Variants in PACRGL observed in about 807,000 individuals in gnomAD.
PACRGL encodes the protein parkin coregulated like.
PACRGL carries 38 observed loss-of-function variants against 34.5 expected under a neutral mutation model. The observed-to-expected ratio is 1.10, with a 90% CI of 0.85 to 1.44. The LOEUF (loss-of-function observed/expected upper bound fraction) is 1.44, where lower values mean the gene tolerates loss of function less well. Ranked by LOEUF, PACRGL falls within the 40% of genes most tolerant of loss-of-function variation. The pLI is 0.00. For missense variants in PACRGL, 305 were observed against 281.4 expected (o/e 1.08, Z -0.60); for synonymous variants, 128 against 100.1 (o/e 1.28, Z -1.66).
At position 20,731,559 on chromosome 4, in the gene PACRGL, C is replaced by T. The variant is rs1258124804; in HGVS notation, c.*4218C>T. ...CAAAGAGCCATTTCTTGTCCACATA[C>T]ACTAAAACAATGACTTTTCTCTTAG... On this transcript the variant is annotated 3_prime_UTR_variant, in exon 9 of 9. Transcript: ENST00000503585. The T allele has an allele frequency of 8.1e-6, 8 of 985,262 alleles. No homozygotes were observed. Among genetic ancestry groups the T allele is most frequent in the Non-Finnish European group, 9.6e-6 (8 of 829,920 alleles). 61.0% of individuals were successfully genotyped at this position (985,262 alleles called of 1,614,324 possible). A position where few individuals can be genotyped will look rare whatever the true frequency, so the allele number is the denominator to read the frequency against.
In PACRGL at chr4:20,729,068, GC is replaced by G. The variant is rs1458805269; in HGVS notation, c.*1728del. The G allele has an allele frequency of 1.5e-5, 2 of 136,616 alleles. No individual in the cohort carries two copies. The highest frequency in any genetic ancestry group is 7.2e-5 in the Admixed American group (1 of 13,958). The allele number at this position is 136,616 out of a possible 1,614,324, so 8.5% of individuals were successfully genotyped here. On this transcript the variant is annotated 3_prime_UTR_variant, in exon 9 of 9. Transcript: ENST00000503585. ...AAAGTGAATTTTGCTTGCTAATTTT[GC>G]TTGCTGTTTGTTCTTAGTAGACAGT... is the stretch of plus-strand genomic sequence containing the variant.
In PACRGL at chr4:20,727,387, A is replaced by AC; in HGVS notation, c.*46_*47insC. The AC allele has an allele frequency of 6.9e-7, 1 of 1,446,040 alleles. No individual in the cohort carries two copies. The highest frequency in any genetic ancestry group is 9.7e-7 in the Non-Finnish European group (1 of 1,027,916). The allele number at this position is 1,446,040 out of a possible 1,614,324, so 89.6% of individuals were successfully genotyped here. On this transcript the variant is annotated 3_prime_UTR_variant, in exon 9 of 9. Coordinates refer to ENST00000503585, the MANE Select transcript of PACRGL (RefSeq NM_001258345.3). Reference sequence around the variant, plus strand: ...TGTTTTTTCTACCTGTTGACGTGTCAAGCACTAACTGTGGGTACTCATTTA... The same window carrying AC: ...TGTTTTTTCTACCTGTTGACGTGTCACAGCACTAACTGTGGGTACTCATTTA...
intron 1 of PACRGL, among the ~76,000 whole-genome samples, 153 bp from the exon 2 acceptor site, chr4:20,704,313 T>C (rs1421690939): frequency 1.3e-5 from 2 of 152,248 alleles, no homozygotes; most frequent in Non-Finnish European, 2.9e-5. Context: ...TTTCATGTTT[T>C]CTCATTAGTC....
chr4:20,718,896 A>G (rs1438739103), intron 7 of PACRGL: 3 of 152,238 alleles, frequency 2.0e-5, no homozygotes. Flanking sequence ...GAATAGTTTC[A>G]GAAGAATGGT....
chr4:20,704,787 T>TA lies in PACRGL; in HGVS notation c.183dup (p.Leu62ThrfsTer4), dbSNP rs1479841746. The TA allele has an allele frequency of 1.2e-6, 2 of 1,614,142 alleles. No homozygotes were observed. Among genetic ancestry groups the TA allele is most frequent in the Non-Finnish European group, 1.7e-6 (2 of 1,179,986 alleles). On this transcript the variant is annotated frameshift_variant, in exon 3 of 9. Coordinates refer to ENST00000503585, the MANE Select transcript of PACRGL (RefSeq NM_001258345.3). LOFTEE classifies it high-confidence loss of function. ...GAAAACTTCATCCTAGACCAAGTGA[T>TA]AAACTGAACCCTAAAACAATTAATC...
intron 7 of PACRGL, among the ~76,000 whole-genome samples, chr4:20,722,287 C>A (rs1000737278): frequency 2.0e-5 from 3 of 152,226 alleles, no homozygotes; most frequent in Admixed American, 6.5e-5. Context: ...TGAGGCGATG[C>A]CTCGCCCTGC....
intron 8 of PACRGL, among the ~76,000 whole-genome samples, chr4:20,726,339 A>T (rs1423818709): frequency 6.6e-6 from 1 of 152,176 alleles, no homozygotes; most frequent in Non-Finnish European, 1.5e-5. Context: ...ACAGAATTTT[A>T]AAAAAGATTT....
chr4:20,716,048 C>A (rs1028304536), intron 7 of PACRGL: 2 of 1,461,554 alleles, frequency 1.4e-6, no homozygotes, highest in Non-Finnish European at 1.8e-6. Context: ...AAATTGCATT[C>A]AGGAAGAGAC....
intron 7 of PACRGL, among the ~76,000 whole-genome samples, chr4:20,724,341 C>G (rs982173173): frequency 3.9e-5 from 6 of 152,240 alleles, no homozygotes; most frequent in African/African-American, 1.4e-4. Context: ...TATACAGATT[C>G]AGTAGGGTAA....
At chr4:20,716,622 T>A (rs577338912) in intron 7 of PACRGL, among the ~76,000 whole-genome samples, 12 of 152,344 alleles carry the variant, frequency 7.9e-5, no homozygotes, top group African/African-American at 2.9e-4. Flanking sequence ...CTGAGAATAA[T>A]GGTTTCCAGC....
the PACRGL span, chr4:20,766,706 C>T: frequency 6.6e-6 from 1 of 152,194 alleles, no homozygotes; most frequent in South Asian, 2.1e-4. Flanking sequence ...TAAGCCTGAC[C>T]TCATGTCTAG....
At chr4:20,752,082 A>G (rs1218914729) in intron 8 of PACRGL, among the ~76,000 whole-genome samples, 2 of 144,834 alleles carry the variant, frequency 1.4e-5, no homozygotes, top group Non-Finnish European at 3.0e-5. Flanking sequence ...TTTTGAGACA[A>G]AGTACTGCTC....
At chr4:20,750,969 A>C (rs1578520862) in intron 8 of PACRGL, among the ~76,000 whole-genome samples, 1 of 152,322 alleles carries the variant, frequency 6.6e-6, no homozygotes, top group Middle Eastern at 3.4e-3. Flanking sequence ...TCATAGTAAC[A>C]GGAGTACAGA....
At position 20,727,373 on chromosome 4, in the gene PACRGL, C is replaced by T. The variant is rs776050680; in HGVS notation, c.*32C>T. 1.9e-6 allele frequency: 3 copies of T among 1,544,636 alleles called. No homozygotes were observed. The highest frequency in any genetic ancestry group is 2.7e-6 in the Non-Finnish European group (3 of 1,117,484). ...GAGCCAACAAAAATTGTTTTTTCTACCTGTTGACGTGTCAAGCACTAACTG... is the reference window on the plus strand; with the variant it reads ...GAGCCAACAAAAATTGTTTTTTCTATCTGTTGACGTGTCAAGCACTAACTG... On this transcript the variant is annotated 3_prime_UTR_variant, in exon 9 of 9. Coordinates refer to ENST00000503585, the MANE Select transcript of PACRGL (RefSeq NM_001258345.3).
downstream of PACRGL, chr4:20,732,807 C>T (rs192118917): frequency 2.0e-5 from 28 of 1,370,590 alleles, no homozygotes; most frequent in African/African-American, 1.9e-4. Context: ...AAGGCACTCA[C>T]GTGAGGCTGC....
intron 1 of PACRGL, chr4:20,701,879 G>A: frequency 4.4e-6 from 2 of 456,388 alleles, no homozygotes; most frequent in Non-Finnish European, 8.8e-6. Context: ...GTAATTTGTC[G>A]TTAAGGTAAA....
chr4:20,717,419 C>A (rs75765877), intron 7 of PACRGL, among the ~76,000 whole-genome samples: 26,061 of 152,092 alleles, frequency 0.17, 2,332 homozygotes, highest in Non-Finnish European at 0.21. Flanking sequence ...ATGCCTATGT[C>A]CTGAATGGTA....
chr4:20,718,342 C>T (rs1741180231), intron 7 of PACRGL, among the ~76,000 whole-genome samples: 1 of 152,088 alleles, frequency 6.6e-6, no homozygotes, highest in East Asian at 1.9e-4. Flanking sequence ...TGCCTGATTG[C>T]CCTGGCCAGA....
At chr4:20,738,708 A>G (rs748958132) in intron 8 of PACRGL, among the ~76,000 whole-genome samples, 24 of 152,162 alleles carry the variant, frequency 1.6e-4, no homozygotes, top group Non-Finnish European at 2.2e-4. Flanking sequence ...TGCATTTCCA[A>G]CTGAGGTACC....
Sources: gnomAD v4.1 joint callset for allele counts (sites outside exome capture counted in the v4.1 genomes callset) on GRCh38, gnomAD v4.1.1 for gene constraint, MANE v1.5 for transcripts, NCBI Gene and HGNC (gene_info 2026-07-23, HGNC 2026-07-21) for gene names.